ETV6: variants seen among roughly 807,000 people sequenced by gnomAD.
ETV6 encodes the protein transcription factor ETV6.
In ETV6, 16 loss-of-function variants were observed where a neutral mutation model predicts 51.1. That is an observed-to-expected ratio of 0.31 (90% CI 0.21 to 0.48). ETV6 has a LOEUF of 0.48. Among genes scored for constraint, ETV6 ranks in the 20% least tolerant of loss-of-function variants. The pLI, the probability that ETV6 is intolerant of heterozygous loss-of-function variation, is 0.99. For synonymous variants in ETV6, 240 were observed against 224.1 expected, an observed-to-expected ratio of 1.07 and a Z score of -0.64; for missense variants, 458 against 594.8, an observed-to-expected ratio of 0.77 and a Z score of 2.39.
intron 1 of ETV6, among the ~76,000 whole-genome samples, chr12:11,705,241 T>C (rs57640548): frequency 0.1 from 15,969 of 152,288 alleles, 2,060 homozygotes; most frequent in African/African-American, 0.31. Context: ...GGGCCGGTGC[T>C]CAAACATGCT....
At chr12:11,831,189 T>TTGTGTG (rs553485682) in intron 2 of ETV6, among the ~76,000 whole-genome samples, 1 of 151,678 alleles carries the variant, frequency 6.6e-6, no homozygotes, top group African/African-American at 2.4e-5. Context: ...TTTAAATAGT[T>TTGTGTG]TGTGTGTGTG....
chr12:11,838,163 G>A (rs1010389630), intron 2 of ETV6, among the ~76,000 whole-genome samples: 8 of 152,116 alleles, frequency 5.3e-5, no homozygotes, highest in Non-Finnish European at 1.2e-4. Context: ...CACATCATAT[G>A]CCTTCTAGAA....
chr12:11,655,519 A>G (rs868705419), intron 1 of ETV6, among the ~76,000 whole-genome samples: 13 of 152,242 alleles, frequency 8.5e-5, no homozygotes, highest in African/African-American at 2.9e-4. Context: ...TTTTCCAAAC[A>G]TACAGGAACC....
At chr12:11,775,249 C>T (rs1159100794) in intron 2 of ETV6, among the ~76,000 whole-genome samples, 1 of 152,212 alleles carries the variant, frequency 6.6e-6, no homozygotes, top group Non-Finnish European at 1.5e-5. Context: ...TGGATGGCGG[C>T]AGCAGAACTG....
At chr12:11,684,551 G>C (rs1864591664) in intron 1 of ETV6, among the ~76,000 whole-genome samples, 1 of 152,132 alleles carries the variant, frequency 6.6e-6, no homozygotes, top group Admixed American at 6.5e-5. Context: ...TCATCACTCG[G>C]CTTCAACAGT....
At chr12:11,726,507 G>A (rs1056515056) in intron 1 of ETV6, among the ~76,000 whole-genome samples, 2 of 152,204 alleles carry the variant, frequency 1.3e-5, no homozygotes, top group Admixed American at 6.5e-5. Flanking sequence ...GCTGAGCACC[G>A]TAGCTCACAC....
At chr12:11,801,114 T>G (rs2710305) in intron 2 of ETV6, among the ~76,000 whole-genome samples, 2,971 of 152,298 alleles carry the variant, frequency 0.02, 100 homozygotes, top group African/African-American at 0.068. Context: ...TGTGACTTTT[T>G]AAAGTGTAAT....
At position 11,766,265 on chromosome 12, in the gene ETV6, A is replaced by C. The variant is rs1050953336; in HGVS notation, c.163+13686A>C. Among the ~76,000 whole-genome samples the C allele has an allele frequency of 5.9e-5, 9 of 152,222 alleles. No individual in the cohort carries two copies. In the South Asian group the frequency reaches 6.2e-4, roughly 11 times the overall value. On this transcript the variant is annotated intron_variant, in intron 2 of 7. Transcript: ENST00000396373. Reference sequence around the variant, plus strand: ...CTGAGGGAAATTTCCTTTTTGGGGAAGTTGAAGCAAAGGAATTTCCTGTGT... The same window carrying C: ...CTGAGGGAAATTTCCTTTTTGGGGACGTTGAAGCAAAGGAATTTCCTGTGT...
At chr12:11,732,954 G>C (rs550196246) in intron 1 of ETV6, among the ~76,000 whole-genome samples, 37 of 152,200 alleles carry the variant, frequency 2.4e-4, no homozygotes, top group Middle Eastern at 3.4e-3. Flanking sequence ...AAAGATTGTG[G>C]CTTTAGAATC....
chr12:11,822,861 T>G (rs1280854049), intron 2 of ETV6, among the ~76,000 whole-genome samples: 2 of 152,222 alleles, frequency 1.3e-5, no homozygotes, highest in African/African-American at 4.8e-5. Context: ...TGGGAAAGAT[T>G]TATTTCCCTT....
At chr12:11,798,181 C>T (rs2724620) in intron 2 of ETV6, among the ~76,000 whole-genome samples, 87,313 of 151,916 alleles carry the variant, frequency 0.57, 25,412 homozygotes, top group African/African-American at 0.68. Flanking sequence ...CAAATTAGAA[C>T]GTAGGGTGAT....
intron 2 of ETV6, among the ~76,000 whole-genome samples, chr12:11,808,923 G>C (rs1355101600): frequency 6.6e-6 from 1 of 152,164 alleles, no homozygotes; most frequent in Non-Finnish European, 1.5e-5. Context: ...CAGCACTTTG[G>C]GAGGCCAAGG....
intron 1 of ETV6, among the ~76,000 whole-genome samples, chr12:11,734,073 A>G (rs1002582262): frequency 3.9e-5 from 6 of 152,232 alleles, no homozygotes; most frequent in Non-Finnish European, 8.8e-5. Context: ...CAGACCTGGC[A>G]GTGGCTACTT....
rs1348029150 is a variant in ETV6, at chr12:11,893,948, A to G, written c.*2902A>G. The G allele has an allele frequency of 4.6e-6, 1 of 215,184 alleles. No homozygotes were observed. The allele number at this position is 215,184 out of a possible 1,614,324, so 13.3% of individuals were successfully genotyped here. On this transcript the variant is annotated 3_prime_UTR_variant, in exon 8 of 8. Coordinates refer to ENST00000396373, the MANE Select transcript of ETV6 (RefSeq NM_001987.5). ...CAAGCATTTCAGATAAGGGATATCAATCTGTACTACCAATAAGGATTTCGT... is the reference window on the plus strand; with the variant it reads ...CAAGCATTTCAGATAAGGGATATCAGTCTGTACTACCAATAAGGATTTCGT...
intron 7 of ETV6, among the ~76,000 whole-genome samples, chr12:11,888,506 A>ATAAT: frequency 6.7e-6 from 1 of 149,826 alleles, no homozygotes. Flanking sequence ...AGCAATTCTC[A>ATAAT]TAATTATCAT....
intron 5 of ETV6, among the ~76,000 whole-genome samples, chr12:11,872,475 G>A (rs972301354): frequency 2.0e-5 from 3 of 149,996 alleles, no homozygotes; most frequent in Non-Finnish European, 4.4e-5. Flanking sequence ...CAAAATATTA[G>A]TCTCTTAAAA....
At chr12:11,789,772 A>G (rs1198566005) in intron 2 of ETV6, among the ~76,000 whole-genome samples, 2 of 152,114 alleles carry the variant, frequency 1.3e-5, no homozygotes, top group African/African-American at 4.8e-5. Flanking sequence ...TTTCAGTGCC[A>G]TTGTTGAGAA....
chr12:11,670,149 T>C (rs1176999654), intron 1 of ETV6, among the ~76,000 whole-genome samples: 1 of 152,198 alleles, frequency 6.6e-6, no homozygotes, highest in Non-Finnish European at 1.5e-5. Context: ...ATTATATCAG[T>C]TTTCATGGCC....
At chr12:11,889,042 A>G (rs1301020432) in intron 7 of ETV6, among the ~76,000 whole-genome samples, 1 of 152,008 alleles carries the variant, frequency 6.6e-6, no homozygotes, top group Non-Finnish European at 1.5e-5. Context: ...CTTTCAGTTA[A>G]TGCTTATTGA....
Sources: allele counts gnomAD v4.1 joint callset (sites outside exome capture counted in the v4.1 genomes callset), GRCh38; gene constraint gnomAD v4.1.1; transcripts MANE v1.5; gene names NCBI Gene and HGNC (gene_info 2026-07-23, HGNC 2026-07-21).